Variants in GFRA2 observed in about 807,000 individuals in gnomAD.
The protein encoded by GFRA2 is GDNF family receptor alpha 2.
In GFRA2, 17 loss-of-function variants were observed where a neutral mutation model predicts 48.3. The observed-to-expected ratio is 0.35, with a 90% confidence interval of 0.24 to 0.53. The LOEUF (loss-of-function observed/expected upper bound fraction) is 0.53. Among genes scored for constraint, GFRA2 ranks in the 20% least tolerant of loss-of-function variants. GFRA2 has a pLI of 0.93. For missense variants in GFRA2, 660 were observed against 637.3 expected, an observed-to-expected ratio of 1.04 and a Z score of -0.38; for synonymous variants, 305 against 257.2, an observed-to-expected ratio of 1.19 and a Z score of -1.78.
At chr8:21,705,847 G>A in intron 5 of GFRA2, 85 bp downstream of exon 5, 1 of 826,990 alleles carries the variant, frequency 1.2e-6, no homozygotes, top group Non-Finnish European at 1.9e-6. Flanking sequence ...TCCCCCAGCT[G>A]GCCCTGAGCT....
At chr8:21,763,000 T>G (rs984735817) in intron 3 of GFRA2, among the ~76,000 whole-genome samples, 2 of 152,200 alleles carry the variant, frequency 1.3e-5, no homozygotes, top group African/African-American at 4.8e-5. Flanking sequence ...GACACAGGAT[T>G]TGAAGCACCC....
At chr8:21,796,056 A>G (rs74963016) in intron 2 of GFRA2, among the ~76,000 whole-genome samples, 9,120 of 152,326 alleles carry the variant, frequency 0.06, 340 homozygotes, top group East Asian at 0.12. Flanking sequence ...GCTGCCCGAT[A>G]GCAGCAGGAG....
At chr8:21,744,041 G>C (rs960040185) in intron 4 of GFRA2, among the ~76,000 whole-genome samples, 1 of 152,208 alleles carries the variant, frequency 6.6e-6, no homozygotes, top group African/African-American at 2.4e-5. Flanking sequence ...GTAACCACTT[G>C]CTGCCATTTA....
At chr8:21,771,094 C>T (rs2117691286) in intron 3 of GFRA2, among the ~76,000 whole-genome samples, 1 of 152,240 alleles carries the variant, frequency 6.6e-6, no homozygotes, top group South Asian at 2.1e-4. Flanking sequence ...CCTGATGCGC[C>T]GTGGGCACTG....
chr8:21,804,390 T>G (rs1047180444), intron 2 of GFRA2, among the ~76,000 whole-genome samples: 1 of 149,622 alleles, frequency 6.7e-6, no homozygotes, highest in African/African-American at 2.5e-5. Flanking sequence ...AATTATCTTA[T>G]AGAAAAGAGT....
intron 4 of GFRA2, among the ~76,000 whole-genome samples, chr8:21,717,834 AG>A (rs1803406542): frequency 1.3e-5 from 2 of 152,162 alleles, no homozygotes; most frequent in South Asian, 4.1e-4. Context: ...CCAAGACCTC[AG>A]GGGGGCTGCT....
chr8:21,690,649 A>G lies in GFRA2; in HGVS notation c.*2629T>C, dbSNP rs1801850428. The G allele has an allele frequency of 6.6e-6, 1 of 152,140 alleles. No homozygotes were observed. The highest frequency in any genetic ancestry group is 2.1e-4 in the South Asian group (1 of 4,820). 9.4% of individuals were successfully genotyped at this position (152,140 alleles called of 1,614,324 possible). On this transcript the variant is annotated 3_prime_UTR_variant, in exon 9 of 9. Coordinates refer to ENST00000524240, the MANE Select transcript of GFRA2 (RefSeq NM_001495.5). ...GATGTAGCCTAAGGGCTTACCTCCT[A>G]TTAGGGATACCAGACATGACATATA...
intron 2 of GFRA2, chr8:21,797,638 T>C (rs1259918398): frequency 1.3e-5 from 2 of 152,180 alleles, no homozygotes; most frequent in African/African-American, 4.8e-5. Context: ...GCCTCTCACT[T>C]TACGGTGGTC....
At chr8:21,751,096 AC>A (rs1805272094) in intron 3 of GFRA2, among the ~76,000 whole-genome samples, 154 bp from the exon 4 acceptor site, 1 of 152,134 alleles carries the variant, frequency 6.6e-6, no homozygotes, top group South Asian at 2.1e-4. Flanking sequence ...GGATCACTTC[AC>A]AGGACCTACC....
At chr8:21,776,104 C>A (rs1308381832) in intron 2 of GFRA2, among the ~76,000 whole-genome samples, 1 of 151,912 alleles carries the variant, frequency 6.6e-6, no homozygotes, top group Non-Finnish European at 1.5e-5. Flanking sequence ...GGTGCCCAGG[C>A]AGGCACCCTC....
chr8:21,695,468 G>A (rs1446765631), intron 7 of GFRA2, among the ~76,000 whole-genome samples: 1 of 152,120 alleles, frequency 6.6e-6, no homozygotes, highest in Non-Finnish European at 1.5e-5. Context: ...CTACCACCCA[G>A]GGCATCTGGT....
At position 21,730,093 on chromosome 8, in the gene GFRA2, C is replaced by T. The variant is rs533360351; in HGVS notation, c.794+20495G>A. Among the ~76,000 whole-genome samples the T allele has an allele frequency of 9.9e-5, 15 of 152,058 alleles. No individual in the cohort carries two copies. The East Asian group carries it at 1.7e-3, about 18-fold the overall frequency. On this transcript the variant is annotated intron_variant, in intron 4 of 8. Coordinates refer to ENST00000524240, the MANE Select transcript of GFRA2 (RefSeq NM_001495.5). ...TTCCTGGGTTCTCAGTGTTACGGCA[C>T]GAGAAGGGACCTTAGAAACCAGGTC...
chr8:21,760,443 T>C (rs1186560648), intron 3 of GFRA2, among the ~76,000 whole-genome samples: 1 of 152,184 alleles, frequency 6.6e-6, no homozygotes, highest in African/African-American at 2.4e-5. Flanking sequence ...GCTTGCATTT[T>C]GAGTGGGAGG....
intron 4 of GFRA2, among the ~76,000 whole-genome samples, chr8:21,724,521 A>G (rs769088253): frequency 6.6e-6 from 1 of 152,140 alleles, no homozygotes; most frequent in Non-Finnish European, 1.5e-5. Flanking sequence ...GTCTGCAAGT[A>G]ATGGACTGAT....
intron 4 of GFRA2, among the ~76,000 whole-genome samples, chr8:21,733,557 C>T (rs1347153464): frequency 6.6e-6 from 1 of 152,178 alleles, no homozygotes; most frequent in Non-Finnish European, 1.5e-5. Context: ...CAGCCCTTCC[C>T]GCATTTTAAA....
chr8:21,784,794 G>A (rs1223659958), intron 1 of GFRA2, among the ~76,000 whole-genome samples: 5 of 152,052 alleles, frequency 3.3e-5, no homozygotes, highest in South Asian at 2.1e-4. Context: ...AAATCAGACC[G>A]GAGTTTGAGG....
At chr8:21,800,999 C>A (rs944946202) in intron 2 of GFRA2, among the ~76,000 whole-genome samples, 1 of 151,858 alleles carries the variant, frequency 6.6e-6, no homozygotes, top group African/African-American at 2.4e-5. Context: ...CATCCCACTT[C>A]CCTAAGGAGA....
intron 7 of GFRA2, among the ~76,000 whole-genome samples, 199 bp from the exon 8 acceptor site, chr8:21,694,716 C>T (rs1042863809): frequency 1.3e-5 from 2 of 152,188 alleles, no homozygotes; most frequent in African/African-American, 2.4e-5. Context: ...AATTAGGACC[C>T]GACTCCTCTG....
intron 2 of GFRA2, among the ~76,000 whole-genome samples, chr8:21,797,041 A>G (rs1807689373): frequency 6.6e-6 from 1 of 152,238 alleles, no homozygotes; most frequent in Non-Finnish European, 1.5e-5. Context: ...TCACACAGTC[A>G]GGAAGCTGCT....
Sources: gnomAD v4.1 joint callset for allele counts (sites outside exome capture counted in the v4.1 genomes callset) on GRCh38, gnomAD v4.1.1 for gene constraint, MANE v1.5 for transcripts, NCBI Gene and HGNC (gene_info 2026-07-23, HGNC 2026-07-21) for gene names.